Variants in NTRK3 observed in about 807,000 individuals in gnomAD.
NTRK3 encodes the protein NT-3 growth factor receptor.
In NTRK3, 24 loss-of-function variants were observed where a neutral mutation model predicts 91.7. The observed-to-expected ratio is 0.26, with a 90% CI of 0.19 to 0.37. The LOEUF (loss-of-function observed/expected upper bound fraction) is 0.37, where lower values mean the gene tolerates loss of function less well. Among genes scored for constraint, NTRK3 ranks in the 10% least tolerant of loss-of-function variants. The probability of loss-of-function intolerance (pLI) is 1.00; values close to 1 mark genes in which losing one functional copy is unlikely to be tolerated. For missense variants in NTRK3, 880 were observed against 1,068.9 expected (o/e 0.82, Z 2.46); for synonymous variants, 483 against 404.0 (o/e 1.20, Z -2.34).
intron 14 of NTRK3, among the ~76,000 whole-genome samples, chr15:87,975,543 C>G (rs1366967447): frequency 1.3e-5 from 2 of 152,164 alleles, no homozygotes; most frequent in Non-Finnish European, 2.9e-5. Flanking sequence ...CTGAGCCACC[C>G]TAAGCTGAGG....
intron 3 of NTRK3, among the ~76,000 whole-genome samples, chr15:88,238,935 T>C (rs932752015): frequency 6.6e-6 from 1 of 152,248 alleles, no homozygotes; most frequent in Admixed American, 6.5e-5. Flanking sequence ...GACAAGCTCT[T>C]GCATCTTTTG....
intron 14 of NTRK3, among the ~76,000 whole-genome samples, chr15:87,968,708 G>A (rs2073000096): frequency 1.3e-5 from 2 of 152,136 alleles, no homozygotes; most frequent in African/African-American, 4.8e-5. Context: ...ATCTCCCAGA[G>A]TATTGTCAAG....
At chr15:88,192,450 G>T in intron 3 of NTRK3, among the ~76,000 whole-genome samples, 1 of 152,048 alleles carries the variant, frequency 6.6e-6, no homozygotes, top group Non-Finnish European at 1.5e-5. Flanking sequence ...CAATGCTCCC[G>T]GTAACCACCA....
chr15:88,077,214 C>T (rs890410707), intron 13 of NTRK3, among the ~76,000 whole-genome samples: 6 of 152,142 alleles, frequency 3.9e-5, no homozygotes, highest in Non-Finnish European at 5.9e-5. Flanking sequence ...GCTAAACTTT[C>T]CCCTGGCTTC....
chr15:88,065,683 G>C (rs2046589360), intron 13 of NTRK3, among the ~76,000 whole-genome samples: 1 of 152,184 alleles, frequency 6.6e-6, no homozygotes, highest in Non-Finnish European at 1.5e-5. Context: ...TATTAGAAAA[G>C]TTCTTTGGAA....
exon 19 of NTRK3, chr15:87,866,893 C>T: frequency 4.7e-6 from 1 of 210,870 alleles, no homozygotes; most frequent in Non-Finnish European, 9.6e-6. Context: ...AAATGCTTTG[C>T]TGACATGTGG....
intron 14 of NTRK3, among the ~76,000 whole-genome samples, chr15:87,957,898 T>C (rs912916977): frequency 6.6e-6 from 1 of 152,128 alleles, no homozygotes; most frequent in Admixed American, 6.5e-5. Flanking sequence ...AAGAACTAAA[T>C]TGCTCTGGAC....
chr15:87,976,830 C>A (rs1458180334), intron 14 of NTRK3, among the ~76,000 whole-genome samples: 1 of 152,210 alleles, frequency 6.6e-6, no homozygotes, highest in Admixed American at 6.5e-5. Flanking sequence ...GGCAAGGTCA[C>A]TTTCCCAACA....
intron 3 of NTRK3, among the ~76,000 whole-genome samples, chr15:88,217,963 T>C (rs1451806120): frequency 2.0e-5 from 3 of 152,018 alleles, no homozygotes; most frequent in Non-Finnish European, 4.4e-5. Flanking sequence ...GGTTTCACCG[T>C]TTTAGCACAA....
At chr15:88,085,345 T>C (rs1022596481) in intron 13 of NTRK3, among the ~76,000 whole-genome samples, 1 of 152,230 alleles carries the variant, frequency 6.6e-6, no homozygotes, top group Middle Eastern at 3.2e-3. Context: ...GTGACTTGCT[T>C]TGGGCAATGA....
At chr15:88,004,013 G>A (rs1054311991) in intron 14 of NTRK3, among the ~76,000 whole-genome samples, 1 of 152,080 alleles carries the variant, frequency 6.6e-6, no homozygotes, top group Non-Finnish European at 1.5e-5. Context: ...GAAAAGACAG[G>A]ACAATGAGCC....
intron 4 of NTRK3, 90 bp downstream of exon 4, chr15:88,184,135 G>T: frequency 1.6e-6 from 2 of 1,260,282 alleles, no homozygotes; most frequent in Non-Finnish European, 2.3e-6. Context: ...TGGCAGTCTT[G>T]CTGTGCCCCT....
At chr15:87,894,455 T>G (rs1033499082) in intron 17 of NTRK3, among the ~76,000 whole-genome samples, 3 of 152,170 alleles carry the variant, frequency 2.0e-5, no homozygotes, top group African/African-American at 7.2e-5. Context: ...GTGCATCGTG[T>G]GTACAGTCAT....
chr15:88,193,467 C>T (rs1239159000), intron 3 of NTRK3, among the ~76,000 whole-genome samples: 4 of 152,104 alleles, frequency 2.6e-5, no homozygotes, highest in Admixed American at 6.5e-5. Context: ...ACACACCAAA[C>T]GAAGAGGAAG....
intron 14 of NTRK3, among the ~76,000 whole-genome samples, chr15:87,989,324 T>C (rs1263119635): frequency 6.6e-6 from 1 of 152,140 alleles, no homozygotes; most frequent in Non-Finnish European, 1.5e-5. Flanking sequence ...TAAGCAGCCA[T>C]AAAAAATGAT....
chr15:87,875,580 G>T, exon 19 of NTRK3: 1 of 232,760 alleles, frequency 4.3e-6, no homozygotes, highest in Non-Finnish European at 8.5e-6. Context: ...CCACAAAAGT[G>T]ATTTCTCAGC....
intron 17 of NTRK3, among the ~76,000 whole-genome samples, chr15:87,883,179 CGTT>C (rs903731846): frequency 1.3e-4 from 19 of 150,292 alleles, no homozygotes; most frequent in African/African-American, 4.6e-4. Context: ...GTGATTTACA[CGTT>C]GTCTGTTGTT....
At chr15:88,112,097 A>G (rs28581381) in intron 13 of NTRK3, among the ~76,000 whole-genome samples, 70,725 of 151,282 alleles carry the variant, frequency 0.47, 16,721 homozygotes, top group African/African-American at 0.53. Flanking sequence ...TAGTAGAGAC[A>G]GGGTTTCACA....
At chr15:87,925,509 A>T (rs1293022933) in intron 17 of NTRK3, 3 of 206,800 alleles carry the variant, frequency 1.5e-5, no homozygotes, top group Non-Finnish European at 3.0e-5. Context: ...AGGCATAAGA[A>T]GCCAACAAAC....
Sources: allele counts gnomAD v4.1 joint callset (sites outside exome capture counted in the v4.1 genomes callset), GRCh38; gene constraint gnomAD v4.1.1; transcripts MANE v1.5; gene names NCBI Gene and HGNC (gene_info 2026-07-23, HGNC 2026-07-21).